DRC5: variants seen among roughly 807,000 people sequenced by gnomAD.
DRC5 encodes the protein T-complex-associated testis-expressed protein 1.
At chr6:44,293,391 T>C in the DRC5 span, among the ~76,000 whole-genome samples, 3 of 151,286 alleles carry the variant, frequency 2.0e-5, no homozygotes, top group Non-Finnish European at 4.4e-5. Flanking sequence ...GGTGGGAGGA[T>C]TGCTTGAGGC....
chr6:44,289,988 T>C, the DRC5 span, among the ~76,000 whole-genome samples: 1 of 152,178 alleles, frequency 6.6e-6, no homozygotes, highest in African/African-American at 2.4e-5. Flanking sequence ...CTTCCCAGCC[T>C]GCCAGGCATC....
chr6:44,280,314 A>G, the DRC5 span: 4 of 1,614,210 alleles, frequency 2.5e-6, no homozygotes, highest in Non-Finnish European at 3.4e-6. Flanking sequence ...TTCCTGGGCC[A>G]CATCTGACAG....
chr6:44,297,622 C>T, the DRC5 span: 2 of 152,238 alleles, frequency 1.3e-5, no homozygotes, highest in East Asian at 1.9e-4. Context: ...TAAGGGAGAC[C>T]GGGGCTGGGT....
At chr6:44,288,018 G>A in the DRC5 span, 2 of 609,670 alleles carry the variant, frequency 3.3e-6, no homozygotes, top group African/African-American at 3.7e-5. Context: ...ATCAGTCCCT[G>A]GAGTGAAGCA....
the DRC5 span, chr6:44,287,806 G>T: frequency 6.2e-7 from 1 of 1,614,080 alleles, no homozygotes; most frequent in Non-Finnish European, 8.5e-7. Flanking sequence ...CAATGCTGAT[G>T]TCGTTACGGT....
chr6:44,285,880 C>T, the DRC5 span: 963,896 of 1,235,914 alleles, frequency 0.78, 379,578 homozygotes, highest in Admixed American at 0.82. Flanking sequence ...AGGAAGAAGG[C>T]AATAATAGAG....
chr6:44,279,921 A>C, the DRC5 span: 1 of 368,964 alleles, frequency 2.7e-6, no homozygotes, highest in Non-Finnish European at 4.9e-6. Context: ...CTGTTCCTGA[A>C]AGAAGTTGGT....
the DRC5 span, among the ~76,000 whole-genome samples, chr6:44,292,262 G>A: frequency 6.6e-6 from 1 of 152,212 alleles, no homozygotes. Flanking sequence ...CCTTGCTCAA[G>A]TTGTTCCCTC....
chr6:44,282,396 C>CAGGTTGA, the DRC5 span: 1 of 1,614,122 alleles, frequency 6.2e-7, no homozygotes, highest in Non-Finnish European at 8.5e-7. Context: ...GTTGAGCACA[C>CAGGTTGA]GCAGGCGGCT....
the DRC5 span, among the ~76,000 whole-genome samples, chr6:44,282,965 G>C: frequency 1.8e-4 from 27 of 152,076 alleles, no homozygotes; most frequent in East Asian, 3.9e-3. Context: ...ACCACGCCCT[G>C]CTAATTTTTT....
At chr6:44,284,873 G>T in the DRC5 span, among the ~76,000 whole-genome samples, 1 of 152,180 alleles carries the variant, frequency 6.6e-6, no homozygotes, top group South Asian at 2.1e-4. Context: ...CCCTGCCCAG[G>T]CCATCCTCCC....
chr6:44,280,388 G>T, the DRC5 span: 1 of 1,610,914 alleles, frequency 6.2e-7, no homozygotes, highest in Non-Finnish European at 8.5e-7. Flanking sequence ...GCTTCCCACC[G>T]TCCTGGGAGA....
chr6:44,287,118 G>A, the DRC5 span: 1 of 881,278 alleles, frequency 1.1e-6, no homozygotes, highest in African/African-American at 1.8e-5. Flanking sequence ...TGGTAGGAGA[G>A]GCTGGCAGTC....
the DRC5 span, among the ~76,000 whole-genome samples, chr6:44,294,547 C>T: frequency 6.6e-6 from 1 of 151,370 alleles, no homozygotes; most frequent in African/African-American, 2.4e-5. Context: ...GAGTTCAAGA[C>T]CAGCCTGATC....
At chr6:44,293,274 G>A in the DRC5 span, among the ~76,000 whole-genome samples, 1 of 141,592 alleles carries the variant, frequency 7.1e-6, no homozygotes, top group African/African-American at 2.7e-5. Context: ...CAGTTACAAG[G>A]TCCTTTCAAG....
chr6:44,291,119 T>C, the DRC5 span, among the ~76,000 whole-genome samples: 1 of 152,218 alleles, frequency 6.6e-6, no homozygotes, highest in Admixed American at 6.5e-5. Flanking sequence ...GCCGTGTGCA[T>C]GGCTGGTATA....
chr6:44,297,552 C>G, the DRC5 span: 2 of 152,272 alleles, frequency 1.3e-5, no homozygotes, highest in Non-Finnish European at 2.9e-5. Flanking sequence ...GGCTTCGGGC[C>G]GGTGTGGGCA....
the DRC5 span, among the ~76,000 whole-genome samples, chr6:44,290,869 C>T: frequency 6.6e-6 from 1 of 152,180 alleles, no homozygotes; most frequent in Non-Finnish European, 1.5e-5. Context: ...ACCTGGGAAA[C>T]CCCACCTGGG....
At chr6:44,285,080 T>C in the DRC5 span, among the ~76,000 whole-genome samples, 3 of 152,220 alleles carry the variant, frequency 2.0e-5, no homozygotes, top group Non-Finnish European at 4.4e-5. Context: ...GAGCTGGCCA[T>C]GTTCACTCTG....
Sources: gnomAD v4.1 joint callset for allele counts (sites outside exome capture counted in the v4.1 genomes callset) on GRCh38, gnomAD v4.1.1 for gene constraint, MANE v1.5 for transcripts, NCBI Gene and HGNC (gene_info 2026-07-23, HGNC 2026-07-21) for gene names.